The following SRPK2 variants were observed in gnomAD, a reference collection of about 807,000 sequenced individuals.
SRPK2 encodes the protein SRSF protein kinase 2.
SRPK2 carries 21 observed loss-of-function variants against 90.8 expected under a neutral mutation model. The ratio of observed to expected loss-of-function variants is 0.23; its 90% CI spans 0.16 to 0.33. The LOEUF is 0.33. SRPK2 is among the 10% of genes least tolerant of loss of function. SRPK2 has a pLI of 1.00. For missense variants in SRPK2, 620 were observed against 869.0 expected (o/e 0.71, Z 3.60); for synonymous variants, 288 against 311.1 (o/e 0.93, Z 0.78).
intron 2 of SRPK2, among the ~76,000 whole-genome samples, chr7:105,266,133 G>A (rs527386273): frequency 6.6e-5 from 10 of 152,104 alleles, no homozygotes; most frequent in Admixed American, 2.0e-4. Context: ...TTAGGATAAC[G>A]TATTTCCCAA....
chr7:105,142,577 AT>A, intron 10 of SRPK2, 87 bp from the exon 11 acceptor site: 1 of 1,492,038 alleles, frequency 6.7e-7, no homozygotes, highest in Non-Finnish European at 8.9e-7. Flanking sequence ...AATAAAATAC[AT>A]TTTGAATATG....
chr7:105,170,907 G>GGAGAA (rs1790901904), intron 3 of SRPK2, among the ~76,000 whole-genome samples: 2 of 84,610 alleles, frequency 2.4e-5, no homozygotes, highest in African/African-American at 9.2e-5. Context: ...AAGAAAGAAA[G>GGAGAA]AAAGAAAGGA....
At chr7:105,394,165 C>T (rs1421900558), upstream of SRPK2, among the ~76,000 whole-genome samples, 15 of 138,706 alleles carry the variant, frequency 1.1e-4, no homozygotes, top group East Asian at 4.7e-4. Flanking sequence ...TTTTTTGAGA[C>T]GGAGCCTCAT....
At chr7:105,199,383 G>T (rs1795279039) in intron 3 of SRPK2, among the ~76,000 whole-genome samples, 1 of 152,308 alleles carries the variant, frequency 6.6e-6, no homozygotes, top group Non-Finnish European at 1.5e-5. Flanking sequence ...AAAAGCAAGA[G>T]AAAGAGGTGA....
At chr7:105,291,632 A>C (rs904144575) in intron 2 of SRPK2, among the ~76,000 whole-genome samples, 2 of 152,228 alleles carry the variant, frequency 1.3e-5, no homozygotes, top group Admixed American at 1.3e-4. Context: ...CGGGAAGCTG[A>C]GGCACAAGAA....
upstream of SRPK2, among the ~76,000 whole-genome samples, chr7:105,390,357 A>G (rs80236519): frequency 0.013 from 2,003 of 152,146 alleles, 46 homozygotes; most frequent in African/African-American, 0.045. Context: ...CATCCGTTGC[A>G]TTTAATTGTC....
chr7:105,199,036 C>T (rs1381288362), intron 3 of SRPK2, among the ~76,000 whole-genome samples: 1 of 152,172 alleles, frequency 6.6e-6, no homozygotes, highest in African/African-American at 2.4e-5. Context: ...ATGAACAATG[C>T]TTTTGCAATA....
At chr7:105,328,176 C>A (rs887726703) in intron 2 of SRPK2, among the ~76,000 whole-genome samples, 1 of 152,132 alleles carries the variant, frequency 6.6e-6, no homozygotes, top group Non-Finnish European at 1.5e-5. Flanking sequence ...AATCAAAATC[C>A]CCAACTGCAT....
At position 105,148,239 on chromosome 7, in the gene SRPK2, A is replaced by G. The variant is rs374103428; in HGVS notation, c.622-1581T>C. Among the ~76,000 whole-genome samples, 4 of 152,300 alleles carry G rather than the reference A, an allele frequency of 2.6e-5. No individual in the cohort carries two copies. The East Asian group carries it at 7.7e-4, about 29-fold the overall frequency. On this transcript the variant is annotated intron_variant, in intron 7 of 15. Transcript: ENST00000393651. ...TGTAGTTTTGATCTACATTTCCCTGATGGCTAATGATGTCCATACATTTTT... is the reference window on the plus strand; with the variant it reads ...TGTAGTTTTGATCTACATTTCCCTGGTGGCTAATGATGTCCATACATTTTT...
chr7:105,207,472 C>T (rs753057082), intron 2 of SRPK2, among the ~76,000 whole-genome samples: 3 of 151,950 alleles, frequency 2.0e-5, no homozygotes, highest in South Asian at 2.1e-4. Context: ...TAATGAAAGC[C>T]GTAAGGAAGC....
Position 105,132,853 on chromosome 7 carries a change from T to A in SRPK2, c.1690A>T (p.Ile564Leu). ...TACCCCGCTCCTATTAAAACCTCTA[T>A]GGAGCGGTACTGACGCGTCTGGATG... ...EDIQTRQYRS[I>L]EVLIGAGYST... is the part of the protein sequence containing the mutation. The change falls in exon 13 of 16, where the codon ATA becomes TTA. Residue 564 changes from isoleucine (I) to leucine (L), a missense_variant. This residue lies in a region of SRPK2 where 25 missense variants were observed against 21.4 expected (regional missense o/e 1.17). Coordinates refer to ENST00000393651, the MANE Select transcript of SRPK2 (RefSeq NM_182692.3). The A allele has an allele frequency of 6.2e-7, 1 of 1,611,538 alleles. No homozygotes were observed. The highest frequency in any genetic ancestry group is 8.5e-7 in the Non-Finnish European group (1 of 1,178,656).
intron 2 of SRPK2, among the ~76,000 whole-genome samples, chr7:105,343,452 A>T (rs1028370860): frequency 1.3e-5 from 2 of 152,162 alleles, no homozygotes; most frequent in Middle Eastern, 3.2e-3. Context: ...CAACAACAAA[A>T]GTCACCATTA....
At chr7:105,335,186 T>A (rs1184481575) in intron 2 of SRPK2, among the ~76,000 whole-genome samples, 11 of 152,024 alleles carry the variant, frequency 7.2e-5, no homozygotes, top group Admixed American at 2.6e-4. Context: ...AATAAATAAA[T>A]AACACTACTT....
intron 2 of SRPK2, among the ~76,000 whole-genome samples, chr7:105,233,104 G>A (rs1312374595): frequency 9.4e-6 from 1 of 105,926 alleles, no homozygotes; most frequent in African/African-American, 3.5e-5. Context: ...AGGAAGGAAG[G>A]AAGGAAGGAA....
At chr7:105,390,687 G>A (rs989460647), upstream of SRPK2, among the ~76,000 whole-genome samples, 4 of 145,424 alleles carry the variant, frequency 2.8e-5, no homozygotes, top group African/African-American at 5.2e-5. Context: ...TCCTGACCTC[G>A]GGTCATCCAC....
intron 7 of SRPK2, among the ~76,000 whole-genome samples, chr7:105,147,378 C>A (rs181230722): frequency 1.3e-5 from 2 of 152,176 alleles, no homozygotes; most frequent in South Asian, 4.2e-4. Context: ...AGTGCAGTGG[C>A]ACAATCTTGG....
At chr7:105,183,263 G>C (rs1585089728) in intron 3 of SRPK2, among the ~76,000 whole-genome samples, 2 of 152,066 alleles carry the variant, frequency 1.3e-5, no homozygotes, top group South Asian at 2.1e-4. Context: ...AAAAACCCTA[G>C]AGAATAAGAG....
chr7:105,304,571 G>A (rs1305501030), intron 2 of SRPK2: 1 of 152,170 alleles, frequency 6.6e-6, no homozygotes, highest in Non-Finnish European at 1.5e-5. Context: ...AACAAGGCAG[G>A]CTATGCATGT....
At chr7:105,204,729 T>C (rs748819413) in intron 2 of SRPK2, 19 of 712,492 alleles carry the variant, frequency 2.7e-5, no homozygotes, top group Non-Finnish European at 4.0e-5. Flanking sequence ...GACAAACATA[T>C]TGTGGTCTGG....
Sources: gnomAD v4.1 joint callset for allele counts (sites outside exome capture counted in the v4.1 genomes callset) on GRCh38, gnomAD v4.1.1 for gene constraint, gnomAD v4.1.1 regional missense constraint, MANE v1.5 for transcripts, NCBI Gene and HGNC (gene_info 2026-07-23, HGNC 2026-07-21) for gene names.